Variants in SARDH observed in about 807,000 individuals in gnomAD.
SARDH encodes the protein sarcosine dehydrogenase.
In SARDH, 95 loss-of-function variants were observed where a neutral mutation model predicts 109.1. The observed-to-expected ratio is 0.87, with a 90% CI of 0.74 to 1.03. The LOEUF is 1.03. Among genes scored for constraint, SARDH ranks in the 50% least tolerant of loss-of-function variants. SARDH has a pLI of 0.00. For missense variants in SARDH, 1,267 were observed against 1,287.8 expected (o/e 0.98, Z 0.25); for synonymous variants, 572 against 534.8 (o/e 1.07, Z -0.96).
At chr9:133,676,922 T>C (rs13296710) in intron 17 of SARDH, among the ~76,000 whole-genome samples, 1,716 of 152,300 alleles carry the variant, frequency 0.011, 13 homozygotes, top group Non-Finnish European at 0.016. Flanking sequence ...GCGGATCACT[T>C]GAGGCCAGGA....
At chr9:133,702,034 C>T (rs572016678) in intron 13 of SARDH, among the ~76,000 whole-genome samples, 1 of 152,344 alleles carries the variant, frequency 6.6e-6, no homozygotes, top group Non-Finnish European at 1.5e-5. Flanking sequence ...GGAACCCCCT[C>T]GTGGATGCCT....
Position 133,663,617 on chromosome 9 carries a change from C to T in SARDH, c.*272G>A, listed in dbSNP as rs1253343822. On this transcript the variant is annotated 3_prime_UTR_variant, in exon 21 of 21. Coordinates refer to ENST00000439388, the MANE Select transcript of SARDH (RefSeq NM_001134707.2). ...GCACCTTCTAGAAGCTTGGAAAGGG[C>T]TACAAGCCATGGTCCCTGAGCCCAA... is the stretch of plus-strand genomic sequence containing the variant. 2.7e-5 allele frequency: 13 copies of T among 473,402 alleles called. No homozygotes were observed. Among genetic ancestry groups the T allele is most frequent in the Admixed American group, 1.5e-4 (4 of 26,762 alleles). The allele number at this position is 473,402 out of a possible 1,614,324, so 29.3% of individuals were successfully genotyped here. A position where few individuals can be genotyped will look rare whatever the true frequency, so the allele number is the denominator to read the frequency against.
downstream of SARDH, among the ~76,000 whole-genome samples, chr9:133,662,641 C>T (rs1184399599): frequency 1.3e-5 from 2 of 152,248 alleles, no homozygotes; most frequent in Non-Finnish European, 2.9e-5. This position sits in a 1 kb window ranked among gnomAD's most constrained non-coding sequence, Gnocchi z 5.1. Flanking sequence ...CGAGCTCAGT[C>T]CACAGTGGGC....
At chr9:133,697,168 C>T (rs543354361) in intron 13 of SARDH, among the ~76,000 whole-genome samples, 2 of 152,254 alleles carry the variant, frequency 1.3e-5, no homozygotes, top group Admixed American at 6.5e-5. Context: ...ACTCCGAACA[C>T]GTGTATGCCA....
intron 17 of SARDH, among the ~76,000 whole-genome samples, chr9:133,673,855 C>T (rs763067740): frequency 6.6e-6 from 1 of 152,194 alleles, no homozygotes; most frequent in Non-Finnish European, 1.5e-5. Flanking sequence ...GACAAAGACC[C>T]GTCACCCAGC....
At position 133,728,601 on chromosome 9, in the gene SARDH, G is replaced by A. The variant is rs956770798; in HGVS notation, c.915+1164C>T. Among the ~76,000 whole-genome samples the A allele has an allele frequency of 1.3e-5, 2 of 152,174 alleles. No homozygotes were observed. The highest frequency in any genetic ancestry group is 2.4e-5 in the African/African-American group (1 of 41,450). ...GGCTGGGAATTCCTATAGCCCCTGA[G>A]ACCCCATCAGAGCCCTTATCAGCAT... On this transcript the variant is annotated intron_variant, in intron 6 of 20. Coordinates refer to ENST00000439388, the MANE Select transcript of SARDH (RefSeq NM_001134707.2). The surrounding 1 kb of genome is among the most constrained non-coding windows in gnomAD (Gnocchi z 5.0).
Position 133,704,050 on chromosome 9 carries a change from A to G in SARDH, c.1554+898T>C, listed in dbSNP as rs1831594683. 6.6e-6 allele frequency among the ~76,000 whole-genome samples: 1 copy of G among 152,096 alleles called. No homozygotes were observed. The highest frequency in any genetic ancestry group is 1.5e-5 in the Non-Finnish European group (1 of 67,992). On this transcript the variant is annotated intron_variant, in intron 12 of 20. Coordinates refer to ENST00000439388, the MANE Select transcript of SARDH (RefSeq NM_001134707.2). The surrounding 1 kb of genome is among the most constrained non-coding windows in gnomAD (Gnocchi z 4.5). ...CTGGAACACAGTGGGTTGCACTTCAAGACAGGGTCTGCCCAGACCCCTCCT... is the reference window on the plus strand; with the variant it reads ...CTGGAACACAGTGGGTTGCACTTCAGGACAGGGTCTGCCCAGACCCCTCCT...
chr9:133,696,141 G>A (rs1831278666), intron 14 of SARDH, 82 bp downstream of exon 14: 3 of 1,560,910 alleles, frequency 1.9e-6, no homozygotes, highest in Non-Finnish European at 2.6e-6. Flanking sequence ...GAGGGGACAG[G>A]GTGGCTTGCC....
rs1382146700 is a variant in SARDH, at chr9:133,670,583, C to T, written c.2495+1G>A. The T allele has an allele frequency of 6.4e-7, 1 of 1,570,860 alleles. No individual in the cohort carries two copies. The highest frequency in any genetic ancestry group is 8.6e-7 in the Non-Finnish European group (1 of 1,158,238). On this transcript the variant is annotated splice_donor_variant, in intron 19 of 20. Coordinates refer to ENST00000439388, the MANE Select transcript of SARDH (RefSeq NM_001134707.2). LOFTEE classifies it high-confidence loss of function. ...TGGGCGTGGAACAGCGGGATACTCA[C>T]TCCTCCATGGTGAAGCACACCAGGC...
chr9:133,726,368 A>AAATAATAATAAT lies in SARDH; in HGVS notation c.915+3385_915+3396dup, dbSNP rs547588474. ...GGGAAACAGAGTGAGACCCTGTCTCAAATAATAATAATAATAATAATAATA... is the reference window on the plus strand; with the variant it reads ...GGGAAACAGAGTGAGACCCTGTCTCAAATAATAATAATAATAATAATAATAATAATAATAATA... On this transcript the variant is annotated intron_variant, in intron 6 of 20. Coordinates refer to ENST00000439388, the MANE Select transcript of SARDH (RefSeq NM_001134707.2). 4.4e-3 allele frequency among the ~76,000 whole-genome samples: 501 copies of AAATAATAATAAT among 114,138 alleles called. 7 individuals are homozygous for AAATAATAATAAT. The highest frequency in any genetic ancestry group is 0.023 in the East Asian group (93 of 4,106). The allele number at this position is 114,138 out of a possible 152,430, so 74.9% of individuals were successfully genotyped here.
intron 1 of SARDH, among the ~76,000 whole-genome samples, chr9:133,735,700 C>T (rs879345790): frequency 2.6e-5 from 4 of 152,182 alleles, no homozygotes; most frequent in African/African-American, 7.2e-5. Context: ...TCAAACTGAC[C>T]CTTTGCTCAT....
Position 133,708,435 on chromosome 9 carries a change from C to T in SARDH, c.1329-7G>A. The T allele has an allele frequency of 6.2e-7, 1 of 1,607,090 alleles. No individual in the cohort carries two copies. The highest frequency in any genetic ancestry group is 8.5e-7 in the Non-Finnish European group (1 of 1,177,370). On this transcript the variant is annotated splice_region_variant and splice_polypyrimidine_tract_variant and intron_variant, in intron 10 of 20. Transcript: ENST00000439388. ...GAGCGAGTGATGGAAGCGCCTGCCG[C>T]AGACAGGGGGACGGGTCACTGCTTT...
intron 17 of SARDH, among the ~76,000 whole-genome samples, chr9:133,672,572 A>T (rs931708585): frequency 1.3e-5 from 2 of 152,208 alleles, no homozygotes; most frequent in Non-Finnish European, 2.9e-5. Context: ...CCAGGTGGGG[A>T]TAGAGGCATC....
At chr9:133,726,369 A>AATAATAATAATAATAATAATAATG (rs1832490706) in intron 6 of SARDH, among the ~76,000 whole-genome samples, 1 of 59,880 alleles carries the variant, frequency 1.7e-5, no homozygotes, top group East Asian at 5.4e-4. Flanking sequence ...CCCTGTCTCA[A>AATAATAATAATAATAATAATAATG]ATAATAATAA....
chr9:133,723,176 AAG>A (rs1307297809), intron 6 of SARDH, among the ~76,000 whole-genome samples: 2 of 152,208 alleles, frequency 1.3e-5, no homozygotes, highest in African/African-American at 4.8e-5. Context: ...CATGAAATGA[AAG>A]ACTTATTTTT....
intron 17 of SARDH, among the ~76,000 whole-genome samples, chr9:133,681,116 T>C (rs997125041): frequency 3.3e-5 from 5 of 152,180 alleles, no homozygotes; most frequent in Non-Finnish European, 7.3e-5. Context: ...TGTGTGGGGA[T>C]GGAAGCCTGC....
rs1355455469 is a variant in SARDH at position 133,686,198 on chromosome 9, T to A, written c.2070-912A>T. Among the ~76,000 whole-genome samples the A allele has an allele frequency of 1.3e-5, 2 of 152,034 alleles. No individual in the cohort carries two copies. Among genetic ancestry groups the A allele is most frequent in the African/African-American group, 4.8e-5 (2 of 41,400 alleles). ...GAGGGTGGGGATTCGCTCCCCACTT[T>A]CCCTGCTCCGTGGTACCCAGCACCA... On this transcript the variant is annotated intron_variant, in intron 16 of 20. Coordinates refer to ENST00000439388, the MANE Select transcript of SARDH (RefSeq NM_001134707.2). The surrounding 1 kb of genome is among the most constrained non-coding windows in gnomAD (Gnocchi z 4.0).
rs1038873260 is a variant in SARDH at position 133,681,746 on chromosome 9, G to A, written c.2163+3447C>T. On this transcript the variant is annotated intron_variant, in intron 17 of 20. Coordinates refer to ENST00000439388, the MANE Select transcript of SARDH (RefSeq NM_001134707.2). ...TCCCAGTGGCCCTACGTGAGCTGACGGTGCTGGGAGGTACACCATGGATAA... is the reference window on the plus strand; with the variant it reads ...TCCCAGTGGCCCTACGTGAGCTGACAGTGCTGGGAGGTACACCATGGATAA... Among the ~76,000 whole-genome samples the A allele has an allele frequency of 3.9e-5, 6 of 152,324 alleles. No individual in the cohort carries two copies. In the East Asian group the frequency reaches 7.7e-4, roughly 20 times the overall value.
At chr9:133,727,110 G>C (rs537983704) in intron 6 of SARDH, among the ~76,000 whole-genome samples, 1 of 152,284 alleles carries the variant, frequency 6.6e-6, no homozygotes, top group South Asian at 2.1e-4. Context: ...GCCAGAGCAC[G>C]ACTGTGAAAC....
Sources: gnomAD v4.1 joint callset for allele counts (sites outside exome capture counted in the v4.1 genomes callset) on GRCh38, gnomAD v4.1.1 for gene constraint, Gnocchi (gnomAD v3.1) non-coding constraint, MANE v1.5 for transcripts, NCBI Gene and HGNC (gene_info 2026-07-23, HGNC 2026-07-21) for gene names.